MS4A3: variants seen among roughly 807,000 people sequenced by gnomAD.
The protein encoded by MS4A3 is membrane spanning 4-domains A3.
A neutral mutation model predicts 24.7 loss-of-function variants in MS4A3; 18 were observed. The observed-to-expected ratio is 0.73, with a 90% CI of 0.50 to 1.08. The LOEUF (loss-of-function observed/expected upper bound fraction) is 1.08, where lower values mean the gene tolerates loss of function less well. Among genes scored for constraint, MS4A3 ranks in the 50% least tolerant of loss-of-function variants. MS4A3 has a pLI of 0.00. For synonymous variants in MS4A3, 84 were observed against 95.3 expected (o/e 0.88, Z 0.69); for missense variants, 282 against 251.7 (o/e 1.12, Z -0.82).
Position 60,064,297 on chromosome 11 carries a change from G to T in MS4A3, c.330G>T (p.Gly110=). The change falls in exon 4 of 7, where the codon GGG becomes GGT. Residue 110 remains glycine, a synonymous_variant. Transcript: ENST00000278865. ...CAGGAACCTTGTCTGTTGTAGCAGGGATAAAACCCACAAGAACATGGGTAA... is the reference window on the plus strand; with the variant it reads ...CAGGAACCTTGTCTGTTGTAGCAGGTATAAAACCCACAAGAACATGGGTAA... ...CSSGTLSVVA[G]IKPTRTWIQN... 2.5e-6 allele frequency: 4 copies of T among 1,604,120 alleles called. No individual in the cohort carries two copies. The highest frequency in any genetic ancestry group is 3.4e-6 in the Non-Finnish European group (4 of 1,175,264).
intron 1 of MS4A3, among the ~76,000 whole-genome samples, chr11:60,057,120 G>T (rs1590609385): frequency 6.6e-6 from 1 of 152,144 alleles, no homozygotes; most frequent in African/African-American, 2.4e-5. Flanking sequence ...TAGCTCAGGG[G>T]ACAGTGGAGT....
intron 6 of MS4A3, 45 bp downstream of exon 6, chr11:60,069,720 TC>T (rs1855445315): frequency 1.4e-6 from 2 of 1,428,244 alleles, no homozygotes; most frequent in Non-Finnish European, 9.9e-7. Flanking sequence ...TCTCAAAGCC[TC>T]CCTGTAGGGT....
chr11:60,061,079 C>G, intron 1 of MS4A3, 67 bp from the exon 2 acceptor site: 2 of 1,444,328 alleles, frequency 1.4e-6, no homozygotes, highest in Non-Finnish European at 1.9e-6. Flanking sequence ...TTCTGTAACA[C>G]TCAAAATTTT....
At chr11:60,069,774 A>C in intron 6 of MS4A3, 99 bp downstream of exon 6, 1 of 901,592 alleles carries the variant, frequency 1.1e-6, no homozygotes, top group Middle Eastern at 2.4e-4. Flanking sequence ...TTTATGTGGT[A>C]ATGATTTGTG....
intron 1 of MS4A3, among the ~76,000 whole-genome samples, chr11:60,057,852 T>A (rs552672657): frequency 9.2e-5 from 14 of 152,356 alleles, no homozygotes; most frequent in African/African-American, 3.4e-4. Flanking sequence ...ATATTTGCTC[T>A]CTTCAGAAAT....
In MS4A3 at chr11:60,059,351, A is replaced by C. The variant is rs149745457; in HGVS notation, c.-15-1795A>C. Among the ~76,000 whole-genome samples, 86 of 152,252 alleles carry C rather than the reference A, an allele frequency of 5.6e-4. No individual in the cohort carries two copies. The East Asian group carries it at 0.016, about 28-fold the overall frequency. On this transcript the variant is annotated intron_variant, in intron 1 of 6. Transcript: ENST00000278865. ...ATTAGAAAAATGGATCTAGTATATA[A>C]TTTGTAACAAAGAGTAGAAATTAAG...
chr11:60,069,433 A>G, intron 5 of MS4A3, 141 bp from the exon 6 acceptor site: 1 of 630,666 alleles, frequency 1.6e-6, no homozygotes, highest in Non-Finnish European at 2.9e-6. Flanking sequence ...ACAGTGTTAT[A>G]TGTGTCTCTG....
At chr11:60,065,186 TG>T (rs1298415616) in intron 4 of MS4A3, among the ~76,000 whole-genome samples, 2 of 151,142 alleles carry the variant, frequency 1.3e-5, no homozygotes, top group African/African-American at 4.9e-5. Flanking sequence ...ACTACAGGTG[TG>T]TGCCACCATC....
chr11:60,056,820 G>A (rs1168496900), intron 1 of MS4A3, 80 bp downstream of exon 1: 1 of 152,136 alleles, frequency 6.6e-6, no homozygotes, highest in Non-Finnish European at 1.5e-5. Context: ...TACTGGGGAT[G>A]TCTGCAAAGG....
At chr11:60,066,559 C>T (rs1028782829) in intron 4 of MS4A3, among the ~76,000 whole-genome samples, 3 of 152,232 alleles carry the variant, frequency 2.0e-5, no homozygotes, top group Non-Finnish European at 4.4e-5. Context: ...CAAGGATATT[C>T]CCCCAGATAT....
At chr11:60,062,939 G>A (rs1388646954) in intron 3 of MS4A3, among the ~76,000 whole-genome samples, 1 of 151,952 alleles carries the variant, frequency 6.6e-6, no homozygotes, top group East Asian at 1.9e-4. Flanking sequence ...TTACAGGCAT[G>A]CACCACCATG....
chr11:60,065,252 A>G (rs2134664523), intron 4 of MS4A3, among the ~76,000 whole-genome samples: 1 of 131,458 alleles, frequency 7.6e-6, no homozygotes, highest in South Asian at 2.3e-4. Flanking sequence ...GGATCTTGCC[A>G]TGTTGCCCAG....
At chr11:60,061,401 G>A (rs992076148) in intron 2 of MS4A3, 85 bp downstream of exon 2, 1 of 1,464,038 alleles carries the variant, frequency 6.8e-7, no homozygotes. Context: ...TTTGAACTGT[G>A]AGGATTCCCT....
chr11:60,061,158 C>G lies in MS4A3; in HGVS notation c.-3C>G, dbSNP rs763206974. ...TTTTCTATCACAGCCATAAACAACCCCAATGGCCTCCCACGAAGTTGATAA... is the reference window on the plus strand; with the variant it reads ...TTTTCTATCACAGCCATAAACAACCGCAATGGCCTCCCACGAAGTTGATAA... On this transcript the variant is annotated 5_prime_UTR_variant, in exon 2 of 7. Transcript: ENST00000278865. The G allele has an allele frequency of 6.3e-7, 1 of 1,576,596 alleles. No homozygotes were observed. The highest frequency in any genetic ancestry group is 8.6e-7 in the Non-Finnish European group (1 of 1,166,350).
At chr11:60,067,181 A>G in intron 5 of MS4A3, 69 bp downstream of exon 5, 2 of 1,182,176 alleles carry the variant, frequency 1.7e-6, no homozygotes, top group Non-Finnish European at 2.3e-6. Context: ...GAAAAATAAT[A>G]TATCAGGTAC....
intron 5 of MS4A3, among the ~76,000 whole-genome samples, chr11:60,068,946 C>T (rs1375116623): frequency 6.6e-6 from 1 of 151,944 alleles, no homozygotes. Flanking sequence ...GGGTGAGACA[C>T]TACTTATGGA....
At chr11:60,068,530 G>A (rs1478810619) in intron 5 of MS4A3, among the ~76,000 whole-genome samples, 7 of 151,768 alleles carry the variant, frequency 4.6e-5, no homozygotes. Flanking sequence ...GGGATTACAG[G>A]CATGAGCCAC....
rs1855294457 is a variant in MS4A3 at position 60,062,600 on chromosome 11, G to A, written c.289G>A (p.Val97Met). The A allele has an allele frequency of 1.9e-6, 3 of 1,614,000 alleles. No individual in the cohort carries two copies. The highest frequency in any genetic ancestry group is 2.5e-6 in the Non-Finnish European group (3 of 1,179,956). The part of the protein sequence containing the change: ...FYTGYPIWGA[V>M]FFCSSGTLSV... ...CACAGGCTACCCGATTTGGGGTGCTGTGTTTGTGAGTATTCGTACTCCCCT... is the reference window on the plus strand; with the variant it reads ...CACAGGCTACCCGATTTGGGGTGCTATGTTTGTGAGTATTCGTACTCCCCT... Residue 97 changes from valine (V) to methionine (M), a missense_variant, in exon 3 of 7, where the codon GTG becomes ATG. Physicochemically the swap from Val to Met is conservative, Grantham distance 21. Transcript: ENST00000278865.
At chr11:60,068,838 T>C (rs1421109575) in intron 5 of MS4A3, among the ~76,000 whole-genome samples, 3 of 152,270 alleles carry the variant, frequency 2.0e-5, no homozygotes, top group African/African-American at 4.8e-5. Flanking sequence ...TTTCTGTTAA[T>C]GCTATCCCTC....
Sources: gnomAD v4.1 joint callset for allele counts (sites outside exome capture counted in the v4.1 genomes callset) on GRCh38, gnomAD v4.1.1 for gene constraint, MANE v1.5 for transcripts, NCBI Gene and HGNC (gene_info 2026-07-23, HGNC 2026-07-21) for gene names.